Variants in AFG2A observed in about 807,000 individuals in gnomAD.
AFG2A encodes the protein ATPase family gene 2 protein homolog A.
At chr4:123,279,899 A>C in the AFG2A span, among the ~76,000 whole-genome samples, 1 of 152,226 alleles carries the variant, frequency 6.6e-6, no homozygotes. Context: ...TTACAATATA[A>C]AAGTGATACA....
the AFG2A span, chr4:123,313,746 G>A: frequency 2.9e-6 from 2 of 692,706 alleles, no homozygotes; most frequent in Non-Finnish European, 2.2e-6. Context: ...AAACTTGAGT[G>A]GACTAATTCT....
the AFG2A span, among the ~76,000 whole-genome samples, chr4:122,949,198 A>G: frequency 3.3e-5 from 5 of 152,318 alleles, no homozygotes; most frequent in South Asian, 4.1e-4. Context: ...GTCCAGGGCC[A>G]TGCAATTTTA....
At chr4:123,032,455 C>T in the AFG2A span, among the ~76,000 whole-genome samples, 2 of 152,198 alleles carry the variant, frequency 1.3e-5, no homozygotes, top group South Asian at 2.1e-4. Flanking sequence ...TGCAGTGGCG[C>T]GATCTCGGCT....
chr4:123,176,933 T>A, the AFG2A span, among the ~76,000 whole-genome samples: 1 of 152,182 alleles, frequency 6.6e-6, no homozygotes, highest in Non-Finnish European at 1.5e-5. Context: ...GCTGTTGTAA[T>A]GATAGCATGT....
chr4:122,929,927 T>G, the AFG2A span, among the ~76,000 whole-genome samples: 2 of 152,170 alleles, frequency 1.3e-5, no homozygotes, highest in Non-Finnish European at 2.9e-5. Context: ...TGATTTTCCA[T>G]GATTAGAGTG....
chr4:123,182,764 T>G, the AFG2A span, among the ~76,000 whole-genome samples: 1 of 152,222 alleles, frequency 6.6e-6, no homozygotes, highest in Non-Finnish European at 1.5e-5. Context: ...TCTTGACCCT[T>G]CTTCCCTCAG....
chr4:123,243,143 TTGG>T, the AFG2A span, among the ~76,000 whole-genome samples: 1 of 152,208 alleles, frequency 6.6e-6, no homozygotes, highest in Admixed American at 6.5e-5. Context: ...CTTTACACTG[TTGG>T]TGGGAGTGTA....
the AFG2A span, among the ~76,000 whole-genome samples, chr4:122,996,256 C>T: frequency 6.6e-6 from 1 of 152,106 alleles, no homozygotes; most frequent in African/African-American, 2.4e-5. Flanking sequence ...ACACCTCATG[C>T]CTTCCATACA....
At chr4:123,183,317 C>T in the AFG2A span, among the ~76,000 whole-genome samples, 8 of 152,166 alleles carry the variant, frequency 5.3e-5, no homozygotes, top group Non-Finnish European at 1.0e-4. Context: ...CATGTAAATG[C>T]TTGCTACATA....
chr4:123,261,258 T>TTTGCTATCTCTCTATTCTTCC, the AFG2A span, among the ~76,000 whole-genome samples: 3 of 152,210 alleles, frequency 2.0e-5, no homozygotes, highest in African/African-American at 7.2e-5. Context: ...TGAGATCTTC[T>TTTGCTATCTCTCTATTCTTCC]TTGCTATCTC....
At chr4:123,252,174 C>T in the AFG2A span, among the ~76,000 whole-genome samples, 1 of 151,988 alleles carries the variant, frequency 6.6e-6, no homozygotes, top group African/African-American at 2.4e-5. Flanking sequence ...ACAGTGTTAT[C>T]CAAATTTATT....
the AFG2A span, among the ~76,000 whole-genome samples, chr4:123,183,785 G>A: frequency 3.9e-5 from 6 of 151,980 alleles, no homozygotes; most frequent in Admixed American, 2.0e-4. Context: ...TTTGAGATAG[G>A]GTCTGGCTCT....
At chr4:123,216,237 A>T in the AFG2A span, among the ~76,000 whole-genome samples, 1 of 152,120 alleles carries the variant, frequency 6.6e-6, no homozygotes, top group African/African-American at 2.4e-5. Flanking sequence ...ACATCACCAT[A>T]TTATGCTTTT....
chr4:122,923,704 G>A, the AFG2A span, among the ~76,000 whole-genome samples: 1 of 152,176 alleles, frequency 6.6e-6, no homozygotes, highest in Non-Finnish European at 1.5e-5. Flanking sequence ...GCCTTTAGGA[G>A]TGATGATAGC....
At chr4:123,057,810 T>TAC in the AFG2A span, among the ~76,000 whole-genome samples, 76 of 151,598 alleles carry the variant, frequency 5.0e-4, no homozygotes, top group Middle Eastern at 3.4e-3. Context: ...AACAAATATA[T>TAC]ACACACACAC....
chr4:123,313,406 T>C, the AFG2A span, among the ~76,000 whole-genome samples: 1 of 152,164 alleles, frequency 6.6e-6, no homozygotes, highest in Admixed American at 6.5e-5. Context: ...ACATCAAAGG[T>C]TGAAAGGAAT....
chr4:123,298,556 T>C, the AFG2A span, among the ~76,000 whole-genome samples: 2 of 152,276 alleles, frequency 1.3e-5, no homozygotes, highest in African/African-American at 4.8e-5. Context: ...TTTGGAGAAA[T>C]AGGAGTAGCT....
the AFG2A span, among the ~76,000 whole-genome samples, chr4:123,291,530 C>T: frequency 6.6e-6 from 1 of 152,138 alleles, no homozygotes; most frequent in East Asian, 1.9e-4. Flanking sequence ...GACAAATTCC[C>T]TCAGCATTTG....
the AFG2A span, among the ~76,000 whole-genome samples, chr4:122,980,224 A>G: frequency 6.6e-6 from 1 of 152,210 alleles, no homozygotes; most frequent in Non-Finnish European, 1.5e-5. Context: ...CTTTTTTCAC[A>G]TATGAGTAAG....
Sources: allele counts gnomAD v4.1 joint callset (sites outside exome capture counted in the v4.1 genomes callset), GRCh38; gene constraint gnomAD v4.1.1; transcripts MANE v1.5; gene names NCBI Gene and HGNC (gene_info 2026-07-23, HGNC 2026-07-21).